FER: variants seen among roughly 807,000 people sequenced by gnomAD.
The protein encoded by FER is FER tyrosine kinase, also known as tyrosine-protein kinase Fer.
A neutral mutation model predicts 111.0 loss-of-function variants in FER; 63 were observed. The observed-to-expected ratio is 0.57, with a 90% CI of 0.46 to 0.70. FER has a LOEUF of 0.70. Among genes scored for constraint, FER ranks in the 30% least tolerant of loss-of-function variants. The probability of loss-of-function intolerance (pLI) is 0.00; values close to 1 mark genes in which losing one functional copy is unlikely to be tolerated. For synonymous variants in FER, 327 were observed against 313.9 expected (o/e 1.04, Z -0.44); for missense variants, 914 against 954.0 (o/e 0.96, Z 0.55).
In FER at chr5:109,042,425, G is replaced by T. The variant is rs116073885; in HGVS notation, c.1714-2255G>T. ...TTGAATGATGATTGAATGATACAGAGTGATGAGTGTCCTGAGCTTCCTCCT... is the reference window on the plus strand; with the variant it reads ...TTGAATGATGATTGAATGATACAGATTGATGAGTGTCCTGAGCTTCCTCCT... On this transcript the variant is annotated intron_variant, in intron 14 of 19. Transcript: ENST00000281092. Among the ~76,000 whole-genome samples the T allele has an allele frequency of 3.2e-3, 489 of 152,270 alleles. 1 individual carries two copies. The highest frequency in any genetic ancestry group is 0.011 in the African/African-American group (461 of 41,560).
chr5:108,933,960 G>T (rs1755076206), intron 10 of FER, among the ~76,000 whole-genome samples: 1 of 152,160 alleles, frequency 6.6e-6, no homozygotes, highest in Non-Finnish European at 1.5e-5. Context: ...TGTATCCTGA[G>T]ACTGCTGAAG....
intron 16 of FER, among the ~76,000 whole-genome samples, chr5:109,055,421 G>A (rs1054602544): frequency 2.0e-5 from 3 of 152,158 alleles, no homozygotes; most frequent in Admixed American, 2.0e-4. Flanking sequence ...TACCTGATAA[G>A]GGGTTAATAT....
chr5:108,792,974 A>G (rs1755550416), intron 2 of FER, among the ~76,000 whole-genome samples: 1 of 152,160 alleles, frequency 6.6e-6, no homozygotes, highest in African/African-American at 2.4e-5. Flanking sequence ...CATCAGGGTA[A>G]ATGGGGTATC....
At chr5:109,078,338 AT>A (rs1174677728) in intron 16 of FER, among the ~76,000 whole-genome samples, 1 of 152,126 alleles carries the variant, frequency 6.6e-6, no homozygotes, top group Non-Finnish European at 1.5e-5. Flanking sequence ...AGCCAGAAAT[AT>A]TTTTTATCCA....
rs1019832075 is a variant in FER, at chr5:109,018,242, A to G, written c.1657-19180A>G. Among the ~76,000 whole-genome samples the G allele has an allele frequency of 1.3e-4, 20 of 151,970 alleles. 1 individual carries two copies. The South Asian group carries it at 2.7e-3, about 20-fold the overall frequency. ...ATGAAAATTGCTTAACACTGACTAG[A>G]AAGTATCAGTATCAGTGATAGTCAT... is the stretch of plus-strand genomic sequence containing the variant. On this transcript the variant is annotated intron_variant, in intron 13 of 19. Coordinates refer to ENST00000281092, the MANE Select transcript of FER (RefSeq NM_005246.4).
chr5:108,798,607 G>A (rs77134008), intron 3 of FER, among the ~76,000 whole-genome samples: 3,663 of 152,234 alleles, frequency 0.024, 55 homozygotes, highest in Non-Finnish European at 0.037. Context: ...TAGCACTTTG[G>A]AAGGCTGAGG....
At chr5:108,931,497 G>A (rs1421470534) in intron 10 of FER, among the ~76,000 whole-genome samples, 1 of 152,088 alleles carries the variant, frequency 6.6e-6, no homozygotes, top group African/African-American at 2.4e-5. Flanking sequence ...AAAAAAGTTT[G>A]TGATCATTTT....
At chr5:109,150,890 A>G (rs1754764114) in intron 17 of FER, among the ~76,000 whole-genome samples, 2 of 152,194 alleles carry the variant, frequency 1.3e-5, no homozygotes, top group African/African-American at 4.8e-5. Flanking sequence ...GAGTCATCAA[A>G]ACAGAATACA....
chr5:108,912,256 G>C (rs1230043469), intron 10 of FER, among the ~76,000 whole-genome samples: 1 of 152,128 alleles, frequency 6.6e-6, no homozygotes, highest in East Asian at 1.9e-4. Flanking sequence ...TTTAAAGTCA[G>C]GTAATATGAT....
intron 10 of FER, among the ~76,000 whole-genome samples, chr5:108,933,270 A>G (rs2149588766): frequency 6.6e-6 from 1 of 152,254 alleles, no homozygotes; most frequent in Non-Finnish European, 1.5e-5. Context: ...TAATTTTTTA[A>G]TAAGGTGTGA....
chr5:108,776,795 A>G (rs1753547822), intron 2 of FER, among the ~76,000 whole-genome samples: 1 of 152,202 alleles, frequency 6.6e-6, no homozygotes, highest in African/African-American at 2.4e-5. Flanking sequence ...ACTTAATCCT[A>G]AATACCAAAT....
intron 9 of FER, 21 bp from the exon 10 acceptor site, chr5:108,897,638 T>C (rs750437381): frequency 6.7e-6 from 10 of 1,492,128 alleles, no homozygotes; most frequent in Non-Finnish European, 8.9e-6. Context: ...GTTGAAATCA[T>C]TTATATTTAT....
At position 109,076,449 on chromosome 5, in the gene FER, A is replaced by G. The variant is rs190478206; in HGVS notation, c.1925-23947A>G. Among the ~76,000 whole-genome samples the G allele has an allele frequency of 2.2e-3, 335 of 151,926 alleles. 2 individuals are homozygous for G. Among genetic ancestry groups the G allele is most frequent in the Admixed American group, 5.8e-3 (89 of 15,250 alleles). ...AATTTCTTTTGTTTTTTGTGTTTTG[A>G]GACACGGTCTTGCTCTGTCGCCAGG... is the stretch of plus-strand genomic sequence containing the variant. On this transcript the variant is annotated intron_variant, in intron 16 of 19. Transcript: ENST00000281092.
intron 13 of FER, among the ~76,000 whole-genome samples, chr5:109,017,877 C>T (rs1767390406): frequency 1.3e-5 from 2 of 151,930 alleles, no homozygotes; most frequent in African/African-American, 4.8e-5. Context: ...GAGTCACTAC[C>T]CTTTTCTTTC....
intron 13 of FER, among the ~76,000 whole-genome samples, chr5:109,004,425 C>G (rs1194169633): frequency 6.6e-6 from 1 of 152,034 alleles, no homozygotes; most frequent in East Asian, 1.9e-4. Flanking sequence ...TTTAAGGATC[C>G]TAACCAAAAC....
At chr5:108,776,260 T>C (rs1194718706) in intron 2 of FER, among the ~76,000 whole-genome samples, 1 of 152,156 alleles carries the variant, frequency 6.6e-6, no homozygotes, top group Non-Finnish European at 1.5e-5. Flanking sequence ...GTATTTCTGA[T>C]TTTTATAAAT....
intron 16 of FER, among the ~76,000 whole-genome samples, chr5:109,056,399 G>A (rs908648709): frequency 1.3e-5 from 2 of 152,166 alleles, no homozygotes; most frequent in Non-Finnish European, 1.5e-5. Context: ...GTAAAAAGGA[G>A]CAAGATCTGA....
chr5:108,844,996 G>GTGTATA (rs1761755814), intron 5 of FER, among the ~76,000 whole-genome samples: 1 of 29,288 alleles, frequency 3.4e-5, no homozygotes, highest in Non-Finnish European at 7.0e-5. Context: ...GTGTGTGTGT[G>GTGTATA]TATATATATA....
intron 5 of FER, among the ~76,000 whole-genome samples, chr5:108,857,091 A>C (rs1265581601): frequency 6.6e-6 from 1 of 152,064 alleles, no homozygotes; most frequent in Admixed American, 6.5e-5. Flanking sequence ...ATGTTTCCCA[A>C]ATGTTCACAT....
Sources: allele counts gnomAD v4.1 joint callset (sites outside exome capture counted in the v4.1 genomes callset), GRCh38; gene constraint gnomAD v4.1.1; transcripts MANE v1.5; gene names NCBI Gene and HGNC (gene_info 2026-07-23, HGNC 2026-07-21).